Variants in INTS2 observed in about 807,000 individuals in gnomAD.
INTS2 encodes the protein integrator complex subunit 2.
In INTS2, 57 loss-of-function variants were observed where a neutral mutation model predicts 139.6. That is an observed-to-expected ratio of 0.41 (90% CI 0.33 to 0.51). The LOEUF is 0.51. INTS2 is among the 20% of genes least tolerant of loss of function. The probability of loss-of-function intolerance (pLI) is 0.28; values close to 1 mark genes in which losing one functional copy is unlikely to be tolerated. For synonymous variants in INTS2, 473 were observed against 493.4 expected (o/e 0.96, Z 0.55); for missense variants, 1,196 against 1,436.7 (o/e 0.83, Z 2.71).
intron 18 of INTS2, among the ~76,000 whole-genome samples, chr17:61,877,149 G>A (rs529415410): frequency 3.4e-4 from 52 of 152,230 alleles, no homozygotes; most frequent in Non-Finnish European, 6.0e-4. Context: ...AGAGTAGAAA[G>A]TCAACAGATA....
intron 9 of INTS2, among the ~76,000 whole-genome samples, chr17:61,899,180 G>A (rs2079379641): frequency 6.6e-6 from 1 of 152,164 alleles, no homozygotes; most frequent in South Asian, 2.1e-4. Context: ...GCTAATTACT[G>A]GTAGTGTGAT....
chr17:61,867,515 G>A lies in INTS2; in HGVS notation c.*42C>T. On this transcript the variant is annotated 3_prime_UTR_variant, in exon 25 of 25. Coordinates refer to ENST00000251334, the MANE Select transcript of INTS2 (RefSeq NM_001351695.2). The surrounding 1 kb of genome is among the most constrained non-coding windows in gnomAD (Gnocchi z 5.6). ...GTTACTAATATGCAGATTCATGTTG[G>A]GTATATGCAGCAAACAACTTTTTGT... 7.9e-7 allele frequency: 1 copy of A among 1,263,282 alleles called. No individual in the cohort carries two copies. Among genetic ancestry groups the A allele is most frequent in the Non-Finnish European group, 1.1e-6 (1 of 885,202 alleles). The allele number at this position is 1,263,282 out of a possible 1,614,324, so 78.3% of individuals were successfully genotyped here.
chr17:61,903,000 A>G, intron 9 of INTS2, among the ~76,000 whole-genome samples: 1 of 151,116 alleles, frequency 6.6e-6, no homozygotes, highest in East Asian at 2.0e-4. Context: ...CCCCGTCTCT[A>G]CTAAAAATAC....
chr17:61,887,722 A>G (rs17400363), intron 15 of INTS2, among the ~76,000 whole-genome samples: 3,098 of 152,214 alleles, frequency 0.02, 103 homozygotes, highest in African/African-American at 0.071. Flanking sequence ...TCCAAACAAG[A>G]ACTGTATCAA....
chr17:61,911,653 G>A lies in INTS2; in HGVS notation c.821C>T (p.Thr274Ile), dbSNP rs1323657725. 5 of 1,613,558 alleles carry A rather than the reference G, an allele frequency of 3.1e-6. No individual in the cohort carries two copies. The African/African-American group carries it at 6.7e-5, about 22-fold the overall frequency. ...AGCTTCATTTTTAGTATGATCCAAT[G>A]TCAAAGCCACACCAAGGCCTGGCAA... ...CHLPGLGVALTLDHTKNEACE... is the reference protein window; with the variant it reads ...CHLPGLGVALILDHTKNEACE... Residue 274 changes from threonine to isoleucine, a missense_variant, in exon 7 of 25, where the codon ACA becomes ATA. Physicochemically the swap from Thr to Ile is moderately conservative, Grantham distance 89. Transcript: ENST00000251334.
chr17:61,888,039 G>A (rs542638856), intron 15 of INTS2, among the ~76,000 whole-genome samples: 1 of 151,690 alleles, frequency 6.6e-6, no homozygotes, highest in East Asian at 1.9e-4. Context: ...GTGACAGAGT[G>A]AGATTTTGTC....
At chr17:61,900,895 T>C (rs569844724) in intron 9 of INTS2, among the ~76,000 whole-genome samples, 2 of 150,776 alleles carry the variant, frequency 1.3e-5, no homozygotes, top group African/African-American at 2.4e-5. Flanking sequence ...GAGGCAGAGG[T>C]TGCGGTGAGC....
At chr17:61,917,414 T>C (rs1382748139) in intron 5 of INTS2, among the ~76,000 whole-genome samples, 1 of 152,156 alleles carries the variant, frequency 6.6e-6, no homozygotes, top group Non-Finnish European at 1.5e-5. Context: ...TTAAATAAAA[T>C]GTACATATAT....
chr17:61,896,767 A>T (rs2079354082), intron 11 of INTS2, among the ~76,000 whole-genome samples: 1 of 152,250 alleles, frequency 6.6e-6, no homozygotes, highest in African/African-American at 2.4e-5. Context: ...AGTAATGCTC[A>T]GTCATGTTGA....
Position 61,927,905 on chromosome 17 carries a change from C to T in INTS2, c.-270G>A. ...AACCGGGACTGTAGGAACGGAAAAG[C>T]GGGAGACTTTTTCAACCTGCACCCA... is the stretch of plus-strand genomic sequence containing the variant. On this transcript the variant is annotated 5_prime_UTR_variant, in exon 1 of 25. Transcript: ENST00000251334. 6.2e-7 allele frequency: 1 copy of T among 1,613,902 alleles called. No individual in the cohort carries two copies. Among genetic ancestry groups the T allele is most frequent in the Non-Finnish European group, 8.5e-7 (1 of 1,179,864 alleles).
Position 61,869,511 on chromosome 17 carries a change from C to A in INTS2, c.3031-131G>T, listed in dbSNP as rs1699145419. On this transcript the variant is annotated intron_variant, in intron 21 of 24. Coordinates refer to ENST00000251334, the MANE Select transcript of INTS2 (RefSeq NM_001351695.2). This position sits in a 1 kb window ranked among gnomAD's most constrained non-coding sequence, Gnocchi z 5.4. ...GAAGGCTATAGTGCCCCATATGTAA[C>A]CTGGCATTTCACTTTTCTGATGCAC... The A allele has an allele frequency of 2.5e-6, 2 of 797,262 alleles. No individual in the cohort carries two copies. Among genetic ancestry groups the A allele is most frequent in the Non-Finnish European group, 3.9e-6 (2 of 508,208 alleles). The allele number at this position is 797,262 out of a possible 1,614,324, so 49.4% of individuals were successfully genotyped here.
rs1178087077 is a variant in INTS2 at position 61,909,705 on chromosome 17, A to T, written c.954+1815T>A. On this transcript the variant is annotated intron_variant, in intron 7 of 24. Coordinates refer to ENST00000251334, the MANE Select transcript of INTS2 (RefSeq NM_001351695.2). This position sits in a 1 kb window ranked among gnomAD's most constrained non-coding sequence, Gnocchi z 4.9. ...TATTTCACTTAATATAATGGCCTCCAGTTCCATCCATGTTACTGTCAGACA... is the reference window on the plus strand; with the variant it reads ...TATTTCACTTAATATAATGGCCTCCTGTTCCATCCATGTTACTGTCAGACA... Among the ~76,000 whole-genome samples the T allele has an allele frequency of 6.6e-6, 1 of 152,106 alleles. No individual in the cohort carries two copies. The highest frequency in any genetic ancestry group is 2.4e-5 in the African/African-American group (1 of 41,418).
chr17:61,926,531 CAGA>C lies in INTS2; in HGVS notation c.111_113del (p.Leu38del), dbSNP rs1567924427. The C allele has an allele frequency of 1.9e-6, 3 of 1,613,836 alleles. No individual in the cohort carries two copies. The highest frequency in any genetic ancestry group is 1.3e-5 in the African/African-American group (1 of 75,046). On this transcript the variant is annotated inframe_deletion, in exon 2 of 25. Transcript: ENST00000251334. ...AAAGTGCCATCCGTACCAAACAGGGCAGAAGAAGTCTTAATTCTGGATCACTTA... is the reference window on the plus strand; with the variant it reads ...AAAGTGCCATCCGTACCAAACAGGGCAGAAGTCTTAATTCTGGATCACTTA...
At position 61,909,465 on chromosome 17, in the gene INTS2, C is replaced by T. The variant is rs1399792350; in HGVS notation, c.955-1831G>A. On this transcript the variant is annotated intron_variant, in intron 7 of 24. Coordinates refer to ENST00000251334, the MANE Select transcript of INTS2 (RefSeq NM_001351695.2). This position sits in a 1 kb window ranked among gnomAD's most constrained non-coding sequence, Gnocchi z 4.9. ...ACAAGTGCAGTTTTGTTACATGAAT[C>T]TATTGCATAGAAGTCTGGGCTGTTG... Among the ~76,000 whole-genome samples, 1 of 152,130 alleles carries T rather than the reference C, an allele frequency of 6.6e-6. No homozygotes were observed. Among genetic ancestry groups the T allele is most frequent in the African/African-American group, 2.4e-5 (1 of 41,428 alleles).
rs891382726 is a variant in INTS2 at position 61,875,501 on chromosome 17, G to C, written c.2457-463C>G. On this transcript the variant is annotated intron_variant, in intron 18 of 24. Transcript: ENST00000251334. This position sits in a 1 kb window ranked among gnomAD's most constrained non-coding sequence, Gnocchi z 4.6. Reference sequence around the variant, plus strand: ...TTATCATCATAAAGTCTCCAAGTGAGATGCCACTTTGAGATTAGACATTAA... The same window carrying C: ...TTATCATCATAAAGTCTCCAAGTGACATGCCACTTTGAGATTAGACATTAA... Among the ~76,000 whole-genome samples the C allele has an allele frequency of 2.0e-5, 3 of 152,146 alleles. No individual in the cohort carries two copies. The highest frequency in any genetic ancestry group is 2.9e-5 in the Non-Finnish European group (2 of 68,026).
chr17:61,894,137 A>T (rs1379755978), intron 12 of INTS2: 1 of 269,064 alleles, frequency 3.7e-6, no homozygotes, highest in African/African-American at 2.2e-5. Context: ...CAGTGGTGTG[A>T]TAAGGTAAAA....
Position 61,881,029 on chromosome 17 carries a change from A to C in INTS2, c.2232T>G (p.His744Gln). ...RMLLTNNAKN[H>Q]SPKQLQEAFS... ...TACCTTCTTGGAGTTGTTTGGGAGA[A>C]TGATTTTTAGCATTATTAGTCAGGA... The change falls in exon 17 of 25, where the codon CAT (histidine) becomes CAG (glutamine). Residue 744 changes from histidine to glutamine, a missense_variant. Physicochemically the swap from His to Gln is conservative, Grantham distance 24. Around this residue, in one of 3 missense-constraint regions of INTS2, gnomAD observed 1,129 missense variants for 1,341.9 expected, o/e 0.84. Coordinates refer to ENST00000251334, the MANE Select transcript of INTS2 (RefSeq NM_001351695.2). 5 of 1,613,820 alleles carry C rather than the reference A, an allele frequency of 3.1e-6. No individual in the cohort carries two copies. The highest frequency in any genetic ancestry group is 4.2e-6 in the Non-Finnish European group (5 of 1,179,766).
chr17:61,903,140 C>G (rs924045954), intron 9 of INTS2, among the ~76,000 whole-genome samples: 1 of 140,742 alleles, frequency 7.1e-6, no homozygotes, highest in African/African-American at 2.7e-5. Context: ...GCACTCCAGC[C>G]TGGGCGACAA....
Position 61,867,417 on chromosome 17 carries a change from TA to T in INTS2, c.*139del. ...GCATAATTCTCATAAAGTTCTAAAC[TA>T]TACTCATGTTGAATTGAATTGTTTT... is the stretch of plus-strand genomic sequence containing the variant. On this transcript the variant is annotated 3_prime_UTR_variant, in exon 25 of 25. Transcript: ENST00000251334. This position sits in a 1 kb window ranked among gnomAD's most constrained non-coding sequence, Gnocchi z 5.6. 1 of 524,260 alleles carries T rather than the reference TA, an allele frequency of 1.9e-6. No individual in the cohort carries two copies. The highest frequency in any genetic ancestry group is 3.0e-5 in the East Asian group (1 of 33,624). 32.5% of individuals were successfully genotyped at this position (524,260 alleles called of 1,614,324 possible).
Sources: allele counts gnomAD v4.1 joint callset (sites outside exome capture counted in the v4.1 genomes callset), GRCh38; gene constraint gnomAD v4.1.1; regional missense constraint gnomAD v4.1.1; non-coding constraint Gnocchi (gnomAD v3.1); transcripts MANE v1.5; gene names NCBI Gene and HGNC (gene_info 2026-07-23, HGNC 2026-07-21).